The following RPH3A variants were observed in gnomAD, a reference collection of about 807,000 sequenced individuals.
The protein encoded by RPH3A is rabphilin-3A.
A neutral mutation model predicts 102.2 loss-of-function variants in RPH3A; 48 were observed. That is an observed-to-expected ratio of 0.47 (90% CI 0.37 to 0.60). The LOEUF (loss-of-function observed/expected upper bound fraction) is 0.60, where lower values mean the gene tolerates loss of function less well. Ranked by LOEUF, RPH3A falls within the 20% of genes least tolerant of loss-of-function variation. The pLI, the probability that RPH3A is intolerant of heterozygous loss-of-function variation, is 0.00. For missense variants in RPH3A, 781 were observed against 910.1 expected, an observed-to-expected ratio of 0.86 and a Z score of 1.83; for synonymous variants, 310 against 324.3, an observed-to-expected ratio of 0.96 and a Z score of 0.47.
At chr12:112,579,176 C>G (rs751136414) in intron 1 of RPH3A, among the ~76,000 whole-genome samples, 21 of 152,132 alleles carry the variant, frequency 1.4e-4, no homozygotes, top group Non-Finnish European at 8.8e-5. Context: ...AAGAAAGGAT[C>G]TGATTGGTTG....
intron 2 of RPH3A, among the ~76,000 whole-genome samples, chr12:112,825,654 CA>C (rs1343256807): frequency 6.6e-6 from 1 of 152,112 alleles, no homozygotes; most frequent in Non-Finnish European, 1.5e-5. Context: ...ACACATTCAG[CA>C]AATTTTCATT....
chr12:112,617,624 G>A (rs2039691209), intron 1 of RPH3A: 1 of 152,244 alleles, frequency 6.6e-6, no homozygotes, highest in African/African-American at 2.4e-5. Context: ...AAGGAACAAA[G>A]TTTAATTGCA....
chr12:112,670,638 G>A (rs545708767), intron 1 of RPH3A, among the ~76,000 whole-genome samples: 32 of 152,272 alleles, frequency 2.1e-4, no homozygotes, highest in African/African-American at 7.0e-4. Context: ...GGGCTTACCT[G>A]GTCTTGGCTG....
intron 1 of RPH3A, among the ~76,000 whole-genome samples, chr12:112,753,797 C>T (rs2040801948): frequency 6.6e-6 from 1 of 152,074 alleles, no homozygotes; most frequent in South Asian, 2.1e-4. Context: ...ATGTCTATGC[C>T]CTAATTTCTG....
At chr12:112,865,659 A>T (rs1056796790) in intron 6 of RPH3A, 116 bp downstream of exon 6, 2 of 1,142,454 alleles carry the variant, frequency 1.8e-6, no homozygotes, top group African/African-American at 3.4e-5. Context: ...CCTGAAGATC[A>T]CTTGCCAGGA....
At chr12:112,880,515 C>G (rs12297293) in intron 14 of RPH3A, among the ~76,000 whole-genome samples, 74,074 of 152,022 alleles carry the variant, frequency 0.49, 19,099 homozygotes, top group African/African-American at 0.64. Context: ...GGATGGAGCC[C>G]ATCTTTACAG....
chr12:112,609,401 G>A (rs955250940), intron 1 of RPH3A, among the ~76,000 whole-genome samples: 1 of 152,172 alleles, frequency 6.6e-6, no homozygotes, highest in Non-Finnish European at 1.5e-5. Flanking sequence ...CTCCAGTTGA[G>A]TCTTACTGCT....
Position 112,894,569 on chromosome 12 carries a change from G to T in RPH3A, c.1776-9G>T, listed in dbSNP as rs140597395. 5.0e-6 allele frequency: 8 copies of T among 1,613,232 alleles called. No homozygotes were observed. In the African/African-American group the frequency reaches 1.1e-4, roughly 22 times the overall value. On this transcript the variant is annotated splice_polypyrimidine_tract_variant and intron_variant, in intron 19 of 21. Coordinates refer to ENST00000389385, the MANE Select transcript of RPH3A (RefSeq NM_001143854.2). ...GTCATCCATAATAGCATGTTGTGTCGCCTCCCAGCTGGCTGAAACCGGACA... is the reference window on the plus strand; with the variant it reads ...GTCATCCATAATAGCATGTTGTGTCTCCTCCCAGCTGGCTGAAACCGGACA...
At position 112,722,250 on chromosome 12, in the gene RPH3A, T is replaced by G. The variant is rs113883575; in HGVS notation, c.-139-69893T>G. 7.9e-5 allele frequency among the ~76,000 whole-genome samples: 12 copies of G among 152,356 alleles called. 2 individuals carry two copies. Among genetic ancestry groups the G allele is most frequent in the African/African-American group, 2.9e-4 (12 of 41,584 alleles). ...AGAATTGGTTATTGGAATTGTTTCC[T>G]TTGGGAAAGAATGCATAGCTCTTCA... On this transcript the variant is annotated intron_variant, in intron 1 of 21. Transcript: ENST00000543106.
chr12:112,838,735 G>C (rs949727195), intron 4 of RPH3A, among the ~76,000 whole-genome samples: 1 of 152,212 alleles, frequency 6.6e-6, no homozygotes, highest in Non-Finnish European at 1.5e-5. Flanking sequence ...TTATGTGACT[G>C]TTGTGTGCAT....
At chr12:112,629,581 A>G (rs2039789939) in intron 1 of RPH3A, among the ~76,000 whole-genome samples, 1 of 150,570 alleles carries the variant, frequency 6.6e-6, no homozygotes, top group African/African-American at 2.5e-5. Context: ...GGCTCAAGCA[A>G]TCCTCCTGCC....
chr12:112,726,094 C>CT (rs202196469), intron 1 of RPH3A, among the ~76,000 whole-genome samples: 24,887 of 140,376 alleles, frequency 0.18, 2,212 homozygotes, highest in Admixed American at 0.24. Flanking sequence ...CGCACCCAGC[C>CT]TTTTTTTTCG....
intron 18 of RPH3A, 56 bp downstream of exon 18, chr12:112,890,136 G>A (rs919954501): frequency 1.6e-5 from 24 of 1,476,834 alleles, no homozygotes; most frequent in Non-Finnish European, 2.3e-5. Flanking sequence ...GGCTAGGCTA[G>A]CATCTTCCTC....
intron 1 of RPH3A, among the ~76,000 whole-genome samples, chr12:112,760,936 A>T (rs1187339086): frequency 6.6e-6 from 1 of 152,100 alleles, no homozygotes. Context: ...GACAGCCACA[A>T]CCAATCAATC....
At chr12:112,618,616 GT>G (rs952125553) in intron 1 of RPH3A, among the ~76,000 whole-genome samples, 37 of 152,122 alleles carry the variant, frequency 2.4e-4, no homozygotes, top group African/African-American at 6.0e-4. Flanking sequence ...ACATGTAATT[GT>G]TTTTTTAATC....
intron 5 of RPH3A, among the ~76,000 whole-genome samples, chr12:112,851,828 T>C (rs965107250): frequency 2.0e-5 from 3 of 152,180 alleles, no homozygotes; most frequent in African/African-American, 7.2e-5. Context: ...CCAAGTGGGA[T>C]TTCAGAATTT....
rs146305958 is a variant in RPH3A, at chr12:112,614,383, C to T, written c.-140+39064C>T. ...GTGATAGTGGAGATAAAAGTTGATG[C>T]ATATAAGATCCTTTGTGGGGCTGGG... On this transcript the variant is annotated intron_variant, in intron 1 of 21. Transcript: ENST00000543106. 3.7e-3 allele frequency among the ~76,000 whole-genome samples: 563 copies of T among 151,958 alleles called. 4 individuals are homozygous for T. Among genetic ancestry groups the T allele is most frequent in the African/African-American group, 0.013 (544 of 41,422 alleles).
In RPH3A at chr12:112,785,298, A is replaced by G. The variant is rs137903388; in HGVS notation, c.-139-6845A>G. 8.9e-3 allele frequency among the ~76,000 whole-genome samples: 1,358 copies of G among 152,000 alleles called. 19 individuals are homozygous for G. Among genetic ancestry groups the G allele is most frequent in the African/African-American group, 0.031 (1,269 of 41,506 alleles). On this transcript the variant is annotated intron_variant, in intron 1 of 21. Coordinates refer to the RPH3A transcript ENST00000543106. ...ATAGTTAGGCAAACCTAGCATACCCAGAGGAATGATTTCAGGACTGACTGA... is the reference window on the plus strand; with the variant it reads ...ATAGTTAGGCAAACCTAGCATACCCGGAGGAATGATTTCAGGACTGACTGA...
chr12:112,593,099 C>G (rs1022328223), intron 1 of RPH3A, among the ~76,000 whole-genome samples: 1 of 152,084 alleles, frequency 6.6e-6, no homozygotes, highest in Non-Finnish European at 1.5e-5. Context: ...GAGTGGTGCC[C>G]TTATGAATGG....
Sources: allele counts gnomAD v4.1 joint callset (sites outside exome capture counted in the v4.1 genomes callset), GRCh38; gene constraint gnomAD v4.1.1; transcripts MANE v1.5; gene names NCBI Gene and HGNC (gene_info 2026-07-23, HGNC 2026-07-21).